Variants in AMMECR1 observed in about 807,000 individuals in gnomAD.
AMMECR1 encodes the protein nuclear protein AMMECR1.
AMMECR1 carries 3 observed loss-of-function variants against 22.5 expected under a neutral mutation model. The ratio of observed to expected loss-of-function variants is 0.13; its 90% CI spans 0.06 to 0.35. The LOEUF (loss-of-function observed/expected upper bound fraction) is 0.35, where lower values mean the gene tolerates loss of function less well. Among genes scored for constraint, AMMECR1 ranks in the 10% least tolerant of loss-of-function variants. The pLI, the probability that AMMECR1 is intolerant of heterozygous loss-of-function variation, is 1.00. For synonymous variants in AMMECR1, 130 were observed against 116.7 expected (o/e 1.11, Z -0.74); for missense variants, 235 against 278.7 (o/e 0.84, Z 1.12).
At chrX:110,421,906 C>T (rs1294178081) in intron 2 of AMMECR1, among the ~76,000 whole-genome samples, 1 of 112,779 alleles carries the variant, frequency 8.9e-6, no homozygotes, top group Non-Finnish European at 1.9e-5. Context: ...TGCAAATGGC[C>T]AAATCCCAAT....
rs191256469 is a variant in AMMECR1, at chrX:110,268,537, G to A, written c.474-3938C>T. The stretch of plus-strand genomic sequence containing the variant: ...TAAGCATTTTAAAGTAGACAGAAAC[G>A]TAATAAACATCCCTGAGCACAAGAC... On this transcript the variant is annotated intron_variant, in intron 1 of 5. Transcript: ENST00000262844. Among the ~76,000 whole-genome samples the A allele has an allele frequency of 3.7e-4, 41 of 112,185 alleles. No homozygotes were observed. The East Asian group carries it at 0.01, about 28-fold the overall frequency.
intron 1 of AMMECR1, among the ~76,000 whole-genome samples, chrX:110,432,409 G>A (rs920072381): frequency 1.8e-5 from 2 of 112,117 alleles, no homozygotes; most frequent in African/African-American, 6.5e-5. Flanking sequence ...CCAAGGGTGA[G>A]TGGTAGTGGT....
At chrX:110,339,419 A>AAAAAAAC (rs1466709482) in intron 2 of AMMECR1, among the ~76,000 whole-genome samples, 1 of 106,718 alleles carries the variant, frequency 9.4e-6, no homozygotes, top group African/African-American at 3.5e-5. Context: ...AAAAAAAAAA[A>AAAAAAAC]AAAAAACAAA....
In AMMECR1 at chrX:110,392,038, A is replaced by G. The variant is rs191497944; in HGVS notation, c.-148+34620T>C. On this transcript the variant is annotated intron_variant, in intron 2 of 7. Transcript: ENST00000372057. ...ATTAAGATAAAGTTCCCATGAGAGTATATTTTACATTCTCATGAATCACGG... is the reference window on the plus strand; with the variant it reads ...ATTAAGATAAAGTTCCCATGAGAGTGTATTTTACATTCTCATGAATCACGG... 2.4e-3 allele frequency among the ~76,000 whole-genome samples: 271 copies of G among 112,397 alleles called. 1 individual carries two copies. Among genetic ancestry groups the G allele is most frequent in the Non-Finnish European group, 4.0e-3 (214 of 53,311 alleles).
intron 2 of AMMECR1, among the ~76,000 whole-genome samples, chrX:110,363,919 CAG>C (rs1171430775): frequency 8.9e-6 from 1 of 111,893 alleles, no homozygotes; most frequent in Non-Finnish European, 1.9e-5. Context: ...AACTGAGGCT[CAG>C]AGAGGTTATG....
At chrX:110,282,541 A>C (rs2067857728) in intron 1 of AMMECR1, among the ~76,000 whole-genome samples, 2 of 111,735 alleles carry the variant, frequency 1.8e-5, no homozygotes, top group Non-Finnish European at 3.8e-5. Flanking sequence ...ATAATTATTA[A>C]TGCTATCATC....
At position 110,317,485 on chromosome X, in the gene AMMECR1, G is replaced by C. The variant is rs888593623; in HGVS notation, c.473+114C>G. ...TTCAGTTGAGTAGCTCCGGGGACCCGGGCAGCGAGAGGGCAGGGGCATCCG... is the reference window on the plus strand; with the variant it reads ...TTCAGTTGAGTAGCTCCGGGGACCCCGGCAGCGAGAGGGCAGGGGCATCCG... On this transcript the variant is annotated intron_variant, in intron 1 of 5. Coordinates refer to ENST00000262844, the MANE Select transcript of AMMECR1 (RefSeq NM_015365.3). The C allele has an allele frequency of 7.5e-6, 8 of 1,060,615 alleles. No homozygotes were observed. The African/African-American group carries it at 1.5e-4, about 20-fold the overall frequency. 87.4% of individuals were successfully genotyped at this position (1,060,615 alleles called of 1,213,427 possible).
rs952874953 is a variant in AMMECR1, at chrX:110,287,883, G to T, written c.474-23284C>A. On this transcript the variant is annotated intron_variant, in intron 1 of 5. Coordinates refer to ENST00000262844, the MANE Select transcript of AMMECR1 (RefSeq NM_015365.3). ...AGTTGATGGGGTCAACTTAGTACAA[G>T]AAACCATTATTAAGCACCTTCTCTA... Among the ~76,000 whole-genome samples the T allele has an allele frequency of 4.5e-5, 5 of 112,055 alleles. No individual in the cohort carries two copies. In the Admixed American group the frequency reaches 4.7e-4, roughly 11 times the overall value.
chrX:110,421,036 C>T (rs1210885334), intron 2 of AMMECR1, among the ~76,000 whole-genome samples: 2 of 111,807 alleles, frequency 1.8e-5, no homozygotes, highest in Non-Finnish European at 3.8e-5. Context: ...TTGATATTTG[C>T]GTGAAAAGGC....
chrX:110,230,083 T>C (rs935544388), intron 2 of AMMECR1, among the ~76,000 whole-genome samples: 82 of 112,888 alleles, frequency 7.3e-4, no homozygotes, highest in African/African-American at 2.5e-3. Flanking sequence ...AGGGCACAGC[T>C]GAAGAAAAGG....
intron 2 of AMMECR1, among the ~76,000 whole-genome samples, chrX:110,234,025 A>G (rs1347266641): frequency 8.9e-6 from 1 of 112,270 alleles, no homozygotes; most frequent in Non-Finnish European, 1.9e-5. Context: ...TTAGGAAAAG[A>G]AGAAGTCAAA....
intron 1 of AMMECR1, among the ~76,000 whole-genome samples, chrX:110,271,825 C>T (rs187395790): frequency 1.0e-3 from 116 of 111,222 alleles, no homozygotes; most frequent in Middle Eastern, 9.3e-3. Flanking sequence ...TGACATTTTG[C>T]TATAGATTTC....
At chrX:110,222,591 TAA>T (rs11320334) in intron 2 of AMMECR1, among the ~76,000 whole-genome samples, 2 of 54,544 alleles carry the variant, frequency 3.7e-5, no homozygotes, top group African/African-American at 1.2e-4. Context: ...AAACTTAAAT[TAA>T]AAAAAAAAAC....
chrX:110,268,265 G>C (rs2148200641), intron 1 of AMMECR1, among the ~76,000 whole-genome samples: 1 of 111,891 alleles, frequency 8.9e-6, no homozygotes, highest in Non-Finnish European at 1.9e-5. Context: ...GGATTGCGGG[G>C]AAGTATCTGT....
At chrX:110,221,402 G>A (rs1027068921) in intron 2 of AMMECR1, among the ~76,000 whole-genome samples, 1 of 111,494 alleles carries the variant, frequency 9.0e-6, no homozygotes, top group African/African-American at 3.3e-5. Context: ...TAAAATTCAC[G>A]AAGTAATGGA....
In AMMECR1 at chrX:110,375,501, G is replaced by T. The variant is rs767358823; in HGVS notation, c.-148+51157C>A. Among the ~76,000 whole-genome samples, 15 of 111,351 alleles carry T rather than the reference G, an allele frequency of 1.3e-4. No homozygotes were observed. In the East Asian group the frequency reaches 4.2e-3, roughly 31 times the overall value. ...TCTCTAGCCACTGGTACAGGGCCTA[G>T]AACGTAGTAGGGGCTCAGTAAATAT... On this transcript the variant is annotated intron_variant, in intron 2 of 7. Transcript: ENST00000372057.
chrX:110,360,363 A>G (rs1386290167), intron 2 of AMMECR1, among the ~76,000 whole-genome samples: 14 of 112,003 alleles, frequency 1.2e-4, no homozygotes, highest in Admixed American at 1.1e-3. Context: ...TATGCATAGC[A>G]CTGTTTTAGA....
chrX:110,253,347 C>T (rs1315654114), intron 2 of AMMECR1, among the ~76,000 whole-genome samples: 1 of 112,482 alleles, frequency 8.9e-6, no homozygotes, highest in East Asian at 2.8e-4. Context: ...TGCCAATGGG[C>T]GTTGTTTGTG....
At chrX:110,433,649 T>C (rs1215315354) in intron 1 of AMMECR1, among the ~76,000 whole-genome samples, 1 of 112,002 alleles carries the variant, frequency 8.9e-6, no homozygotes, top group Non-Finnish European at 1.9e-5. Context: ...TTTCCAGGGA[T>C]TGACTCATCT....
Sources: allele counts gnomAD v4.1 joint callset (sites outside exome capture counted in the v4.1 genomes callset), GRCh38; gene constraint gnomAD v4.1.1; transcripts MANE v1.5; gene names NCBI Gene and HGNC (gene_info 2026-07-23, HGNC 2026-07-21).